KCNIP4: variants seen among roughly 807,000 people sequenced by gnomAD.
The protein encoded by KCNIP4 is potassium voltage-gated channel interacting protein 4.
KCNIP4 carries 12 observed loss-of-function variants against 34.0 expected under a neutral mutation model. That is an observed-to-expected ratio of 0.35 (90% CI 0.23 to 0.57). The LOEUF (loss-of-function observed/expected upper bound fraction) is 0.57. KCNIP4 is among the 20% of genes least tolerant of loss of function. The probability of loss-of-function intolerance (pLI) is 0.83; values close to 1 mark genes in which losing one functional copy is unlikely to be tolerated. For missense variants in KCNIP4, 238 were observed against 311.7 expected (o/e 0.76, Z 1.78); for synonymous variants, 124 against 102.2 (o/e 1.21, Z -1.29).
intron 1 of KCNIP4, among the ~76,000 whole-genome samples, chr4:21,213,869 T>A (rs1201816439): frequency 2.6e-5 from 4 of 152,124 alleles, no homozygotes; most frequent in Non-Finnish European, 4.4e-5. Context: ...GCCCCTAGAT[T>A]CATGCCTCAA....
chr4:20,955,263 AC>A (rs1434161635), intron 1 of KCNIP4, among the ~76,000 whole-genome samples: 1 of 152,180 alleles, frequency 6.6e-6, no homozygotes, highest in African/African-American at 2.4e-5. Flanking sequence ...AAATGTGTCT[AC>A]TGTCTGTAAC....
intron 1 of KCNIP4, among the ~76,000 whole-genome samples, chr4:21,093,412 C>T (rs1463605317): frequency 6.6e-6 from 1 of 152,126 alleles, no homozygotes; most frequent in East Asian, 1.9e-4. Context: ...TGCAAGATAC[C>T]TTATAAAATT....
At chr4:21,018,019 C>T in intron 1 of KCNIP4, among the ~76,000 whole-genome samples, 1 of 152,172 alleles carries the variant, frequency 6.6e-6, no homozygotes, top group East Asian at 1.9e-4. Context: ...ACAATAAAAA[C>T]TCACGGATGT....
At chr4:21,092,945 A>C (rs1747129256) in intron 1 of KCNIP4, among the ~76,000 whole-genome samples, 3 of 152,256 alleles carry the variant, frequency 2.0e-5, no homozygotes, top group Admixed American at 6.5e-5. Context: ...ATACAAGGTA[A>C]AATCTATCAT....
chr4:21,336,901 C>T lies in KCNIP4; in HGVS notation c.62-454192G>A, dbSNP rs571435406. On this transcript the variant is annotated intron_variant, in intron 1 of 8. Transcript: ENST00000382152. Reference sequence around the variant, plus strand: ...AACTTTAACAGCACACCTAAATATACGTGTAGAAGGTACTGGGAGAACACA... The same window carrying T: ...AACTTTAACAGCACACCTAAATATATGTGTAGAAGGTACTGGGAGAACACA... Among the ~76,000 whole-genome samples the T allele has an allele frequency of 3.4e-4, 52 of 152,098 alleles. No homozygotes were observed. In the South Asian group the frequency reaches 8.5e-3, roughly 25 times the overall value.
At chr4:21,175,306 C>G (rs931176249) in intron 1 of KCNIP4, among the ~76,000 whole-genome samples, 15 of 152,096 alleles carry the variant, frequency 9.9e-5, no homozygotes, top group African/African-American at 3.6e-4. Flanking sequence ...ATACAAATGG[C>G]CTAATCACAT....
In KCNIP4 at chr4:21,253,219, A is replaced by G. The variant is rs1031346602; in HGVS notation, c.62-370510T>C. Among the ~76,000 whole-genome samples, 3 of 152,144 alleles carry G rather than the reference A, an allele frequency of 2.0e-5. No individual in the cohort carries two copies. The South Asian group carries it at 6.2e-4, about 31-fold the overall frequency. Reference sequence around the variant, plus strand: ...TATGAATGCATATGCAGCCTTGACAAATCTTATACTCCTTCTCAGATCACT... The same window carrying G: ...TATGAATGCATATGCAGCCTTGACAGATCTTATACTCCTTCTCAGATCACT... On this transcript the variant is annotated intron_variant, in intron 1 of 8. Transcript: ENST00000382152.
In KCNIP4 at chr4:21,027,386, C is replaced by A. The variant is rs891179566; in HGVS notation, c.62-144677G>T. Among the ~76,000 whole-genome samples the A allele has an allele frequency of 2.6e-5, 4 of 151,832 alleles. No homozygotes were observed. The East Asian group carries it at 5.8e-4, about 22-fold the overall frequency. On this transcript the variant is annotated intron_variant, in intron 1 of 8. Transcript: ENST00000382152. Reference sequence around the variant, plus strand: ...TTGGGCTTTAAGAAAAACTTCGTCACCCCTGGGTTAAATCAAGAGCATTTG... The same window carrying A: ...TTGGGCTTTAAGAAAAACTTCGTCAACCCTGGGTTAAATCAAGAGCATTTG...
At chr4:21,877,333 A>T (rs563913459) in intron 1 of KCNIP4, among the ~76,000 whole-genome samples, 41 of 152,260 alleles carry the variant, frequency 2.7e-4, no homozygotes, top group African/African-American at 9.4e-4. Context: ...AGCCTGGGCA[A>T]CAAGAGTGAA....
intron 1 of KCNIP4, among the ~76,000 whole-genome samples, chr4:21,895,442 C>T (rs1486332687): frequency 5.3e-5 from 8 of 152,090 alleles, no homozygotes; most frequent in Non-Finnish European, 1.2e-4. Flanking sequence ...CTAAGAGTTA[C>T]GCTATCTACA....
At position 21,210,009 on chromosome 4, in the gene KCNIP4, G is replaced by T. The variant is rs571095131; in HGVS notation, c.62-327300C>A. 7.9e-5 allele frequency among the ~76,000 whole-genome samples: 12 copies of T among 152,208 alleles called. No individual in the cohort carries two copies. The East Asian group carries it at 1.7e-3, about 22-fold the overall frequency. On this transcript the variant is annotated intron_variant, in intron 1 of 8. Coordinates refer to ENST00000382152, the MANE Select transcript of KCNIP4 (RefSeq NM_025221.6). ...TTCCTCTGACAACTTCCTGTCAAAC[G>T]GTTATTTAAAACTCTCAAGTGTGTT...
intron 1 of KCNIP4, among the ~76,000 whole-genome samples, chr4:21,463,518 T>C (rs894239478): frequency 6.6e-6 from 1 of 151,838 alleles, no homozygotes; most frequent in African/African-American, 2.4e-5. Flanking sequence ...GTCTTTTGTG[T>C]TTGGTTTCTT....
At chr4:21,564,381 G>T (rs888894551) in intron 1 of KCNIP4, among the ~76,000 whole-genome samples, 8 of 151,992 alleles carry the variant, frequency 5.3e-5, no homozygotes, top group African/African-American at 1.9e-4. Context: ...ACTCCTCAAT[G>T]GACTAAATAT....
chr4:21,299,401 G>T (rs1157987727), intron 1 of KCNIP4, among the ~76,000 whole-genome samples: 1 of 151,800 alleles, frequency 6.6e-6, no homozygotes, highest in Non-Finnish European at 1.5e-5. Context: ...TCCCTTTTAG[G>T]CATTAATGTT....
At chr4:20,743,996 C>G (rs1231299136) in intron 5 of KCNIP4, among the ~76,000 whole-genome samples, 1 of 151,848 alleles carries the variant, frequency 6.6e-6, no homozygotes, top group East Asian at 1.9e-4. Context: ...TATGCAGCCA[C>G]CAGACACATG....
At chr4:20,735,899 A>G in intron 5 of KCNIP4, among the ~76,000 whole-genome samples, 1 of 152,052 alleles carries the variant, frequency 6.6e-6, no homozygotes, top group Non-Finnish European at 1.5e-5. Flanking sequence ...TTTATAATCC[A>G]CTTTTAGGTA....
intron 1 of KCNIP4, among the ~76,000 whole-genome samples, chr4:21,201,429 G>C (rs550893052): frequency 6.6e-6 from 1 of 152,188 alleles, no homozygotes; most frequent in Admixed American, 6.5e-5. Context: ...GAACTCCTAA[G>C]TGCTCACACA....
At chr4:20,769,009 T>C (rs909671934) in intron 3 of KCNIP4, among the ~76,000 whole-genome samples, 8 of 150,816 alleles carry the variant, frequency 5.3e-5, no homozygotes, top group Non-Finnish European at 1.0e-4. Flanking sequence ...AGGCAAAGGT[T>C]CTCTCCCCTT....
chr4:21,708,533 G>A (rs1047289384), intron 1 of KCNIP4, among the ~76,000 whole-genome samples: 26 of 152,060 alleles, frequency 1.7e-4, no homozygotes, highest in African/African-American at 6.0e-4. Flanking sequence ...CAATCAAAGA[G>A]CAAGCTGAAG....
Sources: allele counts gnomAD v4.1 joint callset (sites outside exome capture counted in the v4.1 genomes callset), GRCh38; gene constraint gnomAD v4.1.1; transcripts MANE v1.5; gene names NCBI Gene and HGNC (gene_info 2026-07-23, HGNC 2026-07-21).